VIT: variants seen among roughly 807,000 people sequenced by gnomAD.
VIT encodes vitrin.
A neutral mutation model predicts 78.0 loss-of-function variants in VIT; 99 were observed. The ratio of observed to expected loss-of-function variants is 1.27; its 90% CI spans 1.08 to 1.50. VIT has a LOEUF of 1.50. Among genes scored for constraint, VIT ranks in the 40% most tolerant of loss-of-function variants. VIT has a pLI of 0.00. For missense variants in VIT, 1,126 were observed against 875.3 expected (o/e 1.29, Z -3.61); for synonymous variants, 374 against 334.3 (o/e 1.12, Z -1.29).
At chr2:36,801,547 C>G in intron 13 of VIT, 143 bp downstream of exon 13, 1 of 710,410 alleles carries the variant, frequency 1.4e-6, no homozygotes, top group East Asian at 2.8e-5. Flanking sequence ...GTGGTTCACA[C>G]CTGTTATCCC....
chr2:36,776,994 C>T (rs917068090), intron 9 of VIT, among the ~76,000 whole-genome samples: 4 of 149,048 alleles, frequency 2.7e-5, no homozygotes, highest in African/African-American at 9.7e-5. Flanking sequence ...GAGGCTGAGG[C>T]AGGAGAATGG....
intron 3 of VIT, among the ~76,000 whole-genome samples, chr2:36,737,902 AG>A (rs1249458258): frequency 6.6e-6 from 1 of 152,238 alleles, no homozygotes; most frequent in African/African-American, 2.4e-5. Flanking sequence ...AAAAAGGAAG[AG>A]GATTAACTTT....
At chr2:36,801,534 G>T (rs183099918) in intron 13 of VIT, 130 bp downstream of exon 13, 6 of 838,356 alleles carry the variant, frequency 7.2e-6, no homozygotes, top group Non-Finnish European at 9.2e-6. Context: ...CTGGTCGGGC[G>T]TGGTGGTTCA....
intron 2 of VIT, among the ~76,000 whole-genome samples, chr2:36,718,830 C>CA (rs1035612824): frequency 5.9e-5 from 9 of 152,190 alleles, no homozygotes; most frequent in African/African-American, 1.7e-4. Context: ...CTTTAGCAAA[C>CA]AAAAAAATGG....
At chr2:36,776,257 C>A (rs1181642373) in intron 9 of VIT, among the ~76,000 whole-genome samples, 1 of 152,174 alleles carries the variant, frequency 6.6e-6, no homozygotes, top group Admixed American at 6.5e-5. Context: ...TTCAGAGATT[C>A]TGTGACATCT....
At chr2:36,718,502 C>G (rs1215854635) in intron 2 of VIT, among the ~76,000 whole-genome samples, 1 of 152,194 alleles carries the variant, frequency 6.6e-6, no homozygotes, top group African/African-American at 2.4e-5. Context: ...TGTAACATGG[C>G]TGCCAGAGAC....
intron 14 of VIT, 119 bp downstream of exon 14, chr2:36,805,783 G>A (rs1196083413): frequency 3.6e-6 from 4 of 1,104,430 alleles, no homozygotes; most frequent in African/African-American, 1.6e-5. Flanking sequence ...TCTCTAGGCA[G>A]TAAGGCCTCC....
chr2:36,749,300 G>C (rs772041476), intron 4 of VIT, among the ~76,000 whole-genome samples: 7 of 152,150 alleles, frequency 4.6e-5, no homozygotes, highest in Non-Finnish European at 8.8e-5. Context: ...AAGTGGAGAA[G>C]GGTGACAGGT....
intron 1 of VIT, among the ~76,000 whole-genome samples, chr2:36,702,960 A>C (rs1352481332): frequency 1.3e-5 from 2 of 152,174 alleles, no homozygotes; most frequent in Admixed American, 1.3e-4. Flanking sequence ...TCAGCCCTCC[A>C]TGCACCTGAC....
At chr2:36,806,530 C>G (rs1427019872) in intron 14 of VIT, among the ~76,000 whole-genome samples, 2 of 152,082 alleles carry the variant, frequency 1.3e-5, no homozygotes, top group African/African-American at 4.8e-5. Context: ...CTCCCAGGGT[C>G]ACTGCTTCCA....
At chr2:36,720,703 C>A (rs1666451129) in intron 2 of VIT, among the ~76,000 whole-genome samples, 2 of 152,118 alleles carry the variant, frequency 1.3e-5, no homozygotes, top group African/African-American at 4.8e-5. Flanking sequence ...TAGGGAGATG[C>A]TGGTCAAAGA....
In VIT at chr2:36,696,942, T is replaced by G. The variant is rs949758494; in HGVS notation, c.-50T>G. ...ATATTCATTCTGTGTGGTGAAAATT[T>G]TTTGAAAAAAAAATTGCCTTCTTCA... On this transcript the variant is annotated 5_prime_UTR_variant, in exon 1 of 16. Transcript: ENST00000379242. 6.6e-6 allele frequency: 1 copy of G among 151,992 alleles called. No individual in the cohort carries two copies. The highest frequency in any genetic ancestry group is 1.5e-5 in the Non-Finnish European group (1 of 67,966). 9.4% of individuals were successfully genotyped at this position (151,992 alleles called of 1,614,324 possible).
In VIT at chr2:36,711,711, C is replaced by T. The variant is rs6730039; in HGVS notation, c.-18-4642C>T. Among the ~76,000 whole-genome samples the T allele has an allele frequency of 3.7e-3, 565 of 152,304 alleles. 2 individuals are homozygous for T. Among genetic ancestry groups the T allele is most frequent in the Non-Finnish European group, 6.4e-3 (433 of 68,028 alleles). On this transcript the variant is annotated intron_variant, in intron 1 of 15. Coordinates refer to ENST00000379242, the MANE Select transcript of VIT (RefSeq NM_053276.4). ...CAAAATAGACAACTCTAGAAATGCACACGAAGTCGCTTTATTTAAAACTCT... is the reference window on the plus strand; with the variant it reads ...CAAAATAGACAACTCTAGAAATGCATACGAAGTCGCTTTATTTAAAACTCT...
intron 2 of VIT, among the ~76,000 whole-genome samples, chr2:36,729,219 T>G (rs960773571): frequency 1.4e-4 from 21 of 152,166 alleles, no homozygotes; most frequent in African/African-American, 5.1e-4. Flanking sequence ...GTAAGTACAC[T>G]CTACAATATC....
rs1322281147 is a variant in VIT, at chr2:36,729,482, C to T, written c.109C>T (p.Pro37Ser). ...AGAAACGGCAAAGAAGATTAAAAGG[C>T]CCAAGTTCAGTAAGTAAAATCACAA... ...NKETAKKIKRPKFTVPQINCD... is the reference protein window; with the variant it reads ...NKETAKKIKRSKFTVPQINCD... Residue 37 changes from proline (P) to serine (S), a missense_variant, in exon 3 of 16, where the codon CCC (proline) becomes TCC (serine). Coordinates refer to ENST00000379242, the MANE Select transcript of VIT (RefSeq NM_053276.4). 6.2e-6 allele frequency: 10 copies of T among 1,608,116 alleles called. No homozygotes were observed. In the Admixed American group the frequency reaches 1.5e-4, roughly 24 times the overall value.
intron 7 of VIT, 110 bp downstream of exon 7, chr2:36,767,395 G>C: frequency 8.6e-7 from 1 of 1,161,536 alleles, no homozygotes; most frequent in South Asian, 2.4e-5. Context: ...GGGAGCACTG[G>C]AGAACTGGGC....
intron 3 of VIT, among the ~76,000 whole-genome samples, chr2:36,737,462 C>A (rs1349985605): frequency 1.3e-5 from 2 of 152,230 alleles, no homozygotes; most frequent in South Asian, 4.1e-4. Context: ...ATATTCTCCA[C>A]AGGCAGTAGA....
chr2:36,735,243 A>C (rs898917839), intron 3 of VIT, among the ~76,000 whole-genome samples: 4 of 152,152 alleles, frequency 2.6e-5, no homozygotes, highest in Non-Finnish European at 5.9e-5. Flanking sequence ...AGATATAAAA[A>C]AGCAATTGGA....
At chr2:36,734,503 G>A (rs1667390195) in intron 3 of VIT, among the ~76,000 whole-genome samples, 1 of 152,134 alleles carries the variant, frequency 6.6e-6, no homozygotes, top group Non-Finnish European at 1.5e-5. Context: ...AAAGAATGAG[G>A]TGTCTGTTGC....
Sources: allele counts gnomAD v4.1 joint callset (sites outside exome capture counted in the v4.1 genomes callset), GRCh38; gene constraint gnomAD v4.1.1; transcripts MANE v1.5; gene names NCBI Gene and HGNC (gene_info 2026-07-23, HGNC 2026-07-21).